The following BTBD19 variants were observed in gnomAD, a reference collection of about 807,000 sequenced individuals.
BTBD19 encodes the protein BTB domain containing 19.
A neutral mutation model predicts 36.1 loss-of-function variants in BTBD19; 20 were observed. The observed-to-expected ratio is 0.55, with a 90% confidence interval of 0.39 to 0.80. BTBD19 has a LOEUF of 0.80. Ranked by LOEUF, BTBD19 falls within the 30% of genes least tolerant of loss-of-function variation. The pLI is 0.00. For missense variants in BTBD19, 325 were observed against 389.8 expected, an observed-to-expected ratio of 0.83 and a Z score of 1.40; for synonymous variants, 157 against 174.3, an observed-to-expected ratio of 0.90 and a Z score of 0.78.
In BTBD19 at chr1:44,813,339, A is replaced by G; in HGVS notation, c.616-35A>G. 1.3e-6 allele frequency: 2 copies of G among 1,541,856 alleles called. No homozygotes were observed. The highest frequency in any genetic ancestry group is 1.7e-6 in the Non-Finnish European group (2 of 1,146,234). On this transcript the variant is annotated intron_variant, in intron 6 of 7. Transcript: ENST00000450269. This position sits in a 1 kb window ranked among gnomAD's most constrained non-coding sequence, Gnocchi z 7.8. ...GCCACGAGACTGGTGAGCGGGCGGC[A>G]GGACAGGTGCCCGACTCAGGGCTGG...
In BTBD19 at chr1:44,810,106, T is replaced by C. The variant is rs796093753; in HGVS notation, c.87-107T>C. ...TGCTGGAGGGACGAAGCCCTGTCTCTTACATTCTGGTTAGGAAACTAAGAC... is the reference window on the plus strand; with the variant it reads ...TGCTGGAGGGACGAAGCCCTGTCTCCTACATTCTGGTTAGGAAACTAAGAC... On this transcript the variant is annotated intron_variant, in intron 1 of 7. Transcript: ENST00000450269. The surrounding 1 kb of genome is among the most constrained non-coding windows in gnomAD (Gnocchi z 4.2). 3.9e-6 allele frequency: 4 copies of C among 1,029,226 alleles called. No homozygotes were observed. The highest frequency in any genetic ancestry group is 3.2e-5 in the African/African-American group (2 of 63,210). 63.8% of individuals were successfully genotyped at this position (1,029,226 alleles called of 1,614,324 possible). A position where few individuals can be genotyped will look rare whatever the true frequency, so the allele number is the denominator to read the frequency against.
chr1:44,813,544 C>T lies in BTBD19; in HGVS notation c.741+45C>T. The T allele has an allele frequency of 1.3e-6, 2 of 1,540,506 alleles. No homozygotes were observed. The highest frequency in any genetic ancestry group is 1.8e-6 in the Non-Finnish European group (2 of 1,140,034). On this transcript the variant is annotated intron_variant, in intron 7 of 7. Coordinates refer to ENST00000450269, the Ensembl canonical transcript of BTBD19. The surrounding 1 kb of genome is among the most constrained non-coding windows in gnomAD (Gnocchi z 7.8). ...GCCCAGCTCCACTCAGCAGGGGGTA[C>T]AGGGCGCTGGGAGGGGGCAGGAGCA... is the stretch of plus-strand genomic sequence containing the variant.
exon 1 of BTBD19, chr1:44,808,768 G>C: frequency 7.4e-7 from 1 of 1,355,210 alleles, no homozygotes; most frequent in Middle Eastern, 1.8e-4. Context: ...ACCAGCTCTA[G>C]GGCCTGGCCA....
At position 44,812,976 on chromosome 1, in the gene BTBD19, C is replaced by T; in HGVS notation, c.415-20C>T. ...CGGCCTCTCCAGTCTCCAACCTGAT[C>T]TCCCTCATTCTGCTCGCAGGTGGCC... On this transcript the variant is annotated intron_variant, in intron 4 of 7. Coordinates refer to ENST00000450269, the Ensembl canonical transcript of BTBD19. 6.5e-7 allele frequency: 1 copy of T among 1,542,182 alleles called. No homozygotes were observed. Among genetic ancestry groups the T allele is most frequent in the East Asian group, 2.5e-5 (1 of 40,816 alleles).
chr1:44,815,393 T>C (rs938875014), downstream of BTBD19: 2 of 152,194 alleles, frequency 1.3e-5, no homozygotes, highest in Admixed American at 1.3e-4. Flanking sequence ...TCTAGCTCCA[T>C]ACCTTACTCA....
In BTBD19 at chr1:44,813,613, C is replaced by A; in HGVS notation, c.742-25C>A. The A allele has an allele frequency of 6.5e-7, 1 of 1,544,418 alleles. No homozygotes were observed. The stretch of plus-strand genomic sequence containing the variant: ...GGGGCGAGGGGCCACCGCGGGACTG[C>A]GCACTAACTGGCCTTGCTCTGCAGG... On this transcript the variant is annotated intron_variant, in intron 7 of 7. Coordinates refer to ENST00000450269, the Ensembl canonical transcript of BTBD19. The surrounding 1 kb of genome is among the most constrained non-coding windows in gnomAD (Gnocchi z 7.8).
chr1:44,810,570 C>T lies in BTBD19; in HGVS notation c.317C>T (p.Thr106Ile), dbSNP rs183942444. The T allele has an allele frequency of 1.8e-3, 2,765 of 1,550,198 alleles. 6 individuals are homozygous for T. Among genetic ancestry groups the T allele is most frequent in the Non-Finnish European group, 2.1e-3 (2,458 of 1,146,604 alleles). The change falls in exon 3 of 8, where the codon ACA becomes ATA. Residue 106 changes from threonine to isoleucine, a missense_variant. Thr to Ile is a moderately conservative substitution (Grantham distance 89). Transcript: ENST00000450269. The surrounding 1 kb of genome is among the most constrained non-coding windows in gnomAD (Gnocchi z 4.2). ...ACTCTACAGGTGCTGGAAGTGCTGACAGCGGCTGTGGAGTATGGGCTGGAG... is the reference window on the plus strand; with the variant it reads ...ACTCTACAGGTGCTGGAAGTGCTGATAGCGGCTGTGGAGTATGGGCTGGAG...
rs1392655059 is a variant in BTBD19, at chr1:44,810,255, T to A, written c.129T>A (p.Phe43Leu). ...TTGGTCAAGAACGGCAGGAGGTATT[T>A]GCCCATCGGTGCTTGTTGGCCTGTA... The change falls in exon 2 of 8, where the codon TTT (phenylalanine) becomes TTA (leucine). Residue 43 changes from phenylalanine (F) to leucine (L), a missense_variant. Coordinates refer to ENST00000450269, the Ensembl canonical transcript of BTBD19. The surrounding 1 kb of genome is among the most constrained non-coding windows in gnomAD (Gnocchi z 4.2). The A allele has an allele frequency of 1.3e-6, 2 of 1,551,754 alleles. No individual in the cohort carries two copies. Among genetic ancestry groups the A allele is most frequent in the Non-Finnish European group, 1.7e-6 (2 of 1,147,028 alleles).
rs1282258703 is a variant in BTBD19, at chr1:44,813,278, G to A, written c.615+9G>A. On this transcript the variant is annotated intron_variant, in intron 6 of 7. Coordinates refer to ENST00000450269, the Ensembl canonical transcript of BTBD19. This position sits in a 1 kb window ranked among gnomAD's most constrained non-coding sequence, Gnocchi z 7.8. ...GGGCGCGCGTGGGCGCGGTGAGTGGGGCTGGGGGAGCGCAAGGGCACGGAA... is the reference window on the plus strand; with the variant it reads ...GGGCGCGCGTGGGCGCGGTGAGTGGAGCTGGGGGAGCGCAAGGGCACGGAA... 6.5e-7 allele frequency: 1 copy of A among 1,536,760 alleles called. No individual in the cohort carries two copies.
downstream of BTBD19, chr1:44,814,552 C>G (rs1015633169): frequency 3.8e-5 from 5 of 132,938 alleles, no homozygotes; most frequent in Non-Finnish European, 7.7e-5. Context: ...CCCGCCTCGG[C>G]CTTTTTTTTT....
In BTBD19 at chr1:44,813,800, T is replaced by C; in HGVS notation, c.*28T>C. The C allele has an allele frequency of 6.4e-7, 1 of 1,550,944 alleles. No homozygotes were observed. Among genetic ancestry groups the C allele is most frequent in the Non-Finnish European group, 8.7e-7 (1 of 1,146,746 alleles). On this transcript the variant is annotated 3_prime_UTR_variant, in exon 8 of 8. Transcript: ENST00000450269. The surrounding 1 kb of genome is among the most constrained non-coding windows in gnomAD (Gnocchi z 7.8). ...CAACGCCGGGACTCGCAGGGAGCCC[T>C]CGACCCGCCCAGCTGAGCCTGCCCC...
intron 1 of BTBD19, among the ~76,000 whole-genome samples, chr1:44,809,880 G>A (rs1652318333): frequency 6.6e-6 from 1 of 152,170 alleles, no homozygotes; most frequent in African/African-American, 2.4e-5. Flanking sequence ...GAGAGGGGAA[G>A]GTGGGATCAA....
Position 44,810,125 on chromosome 1 carries a change from C to A in BTBD19, c.87-88C>A. Reference sequence around the variant, plus strand: ...TGTCTCTTACATTCTGGTTAGGAAACTAAGACCCAGAGTGGGCAAAGGCAC... The same window carrying A: ...TGTCTCTTACATTCTGGTTAGGAAAATAAGACCCAGAGTGGGCAAAGGCAC... On this transcript the variant is annotated intron_variant, in intron 1 of 7. Coordinates refer to ENST00000450269, the Ensembl canonical transcript of BTBD19. This position sits in a 1 kb window ranked among gnomAD's most constrained non-coding sequence, Gnocchi z 4.2. The A allele has an allele frequency of 8.3e-7, 1 of 1,207,322 alleles. No individual in the cohort carries two copies. The highest frequency in any genetic ancestry group is 1.2e-6 in the Non-Finnish European group (1 of 847,258). The allele number at this position is 1,207,322 out of a possible 1,614,324, so 74.8% of individuals were successfully genotyped here.
chr1:44,811,601 G>A (rs965274581), intron 3 of BTBD19: 5 of 193,308 alleles, frequency 2.6e-5, no homozygotes, highest in Admixed American at 5.2e-5. Context: ...AAACTCAGGG[G>A]AGAAGGGATT....
chr1:44,814,334 C>T (rs1652624732), downstream of BTBD19: 1 of 151,628 alleles, frequency 6.6e-6, no homozygotes, highest in Non-Finnish European at 1.5e-5. Context: ...GTCTCGCACT[C>T]TCGCCCAGGC....
chr1:44,808,955 C>A, intron 1 of BTBD19, 49 bp downstream of exon 1: 1 of 1,426,880 alleles, frequency 7.0e-7, no homozygotes, highest in Non-Finnish European at 9.5e-7. Context: ...GCTCTGTGGG[C>A]CCCAGGACTC....
chr1:44,808,899 C>T lies in BTBD19; in HGVS notation c.79C>T (p.Arg27Ter), dbSNP rs193204757. ...ACTCCGAAGCCTTGTCAACAACCCG[C>T]GATACAGGTGAGGGGTGGGCCCTGC... The change falls in exon 1 of 8, where the codon CGA becomes TGA. Residue 27 changes from arginine to a stop codon, truncating the protein, a stop_gained. Coordinates refer to ENST00000450269, the Ensembl canonical transcript of BTBD19. LOFTEE classifies it high-confidence loss of function. 3.9e-5 allele frequency: 60 copies of T among 1,549,266 alleles called. No individual in the cohort carries two copies. The highest frequency in any genetic ancestry group is 5.1e-5 in the Non-Finnish European group (58 of 1,145,642).
chr1:44,813,366 G>A lies in BTBD19; in HGVS notation c.616-8G>A, dbSNP rs780157841. On this transcript the variant is annotated splice_region_variant and splice_polypyrimidine_tract_variant and intron_variant, in intron 6 of 7. Coordinates refer to ENST00000450269, the Ensembl canonical transcript of BTBD19. The surrounding 1 kb of genome is among the most constrained non-coding windows in gnomAD (Gnocchi z 7.8). ...GACAGGTGCCCGACTCAGGGCTGGC[G>A]TTTGCAGGCGGTGCTGGAGCGGCCG... is the stretch of plus-strand genomic sequence containing the variant. 21 of 1,545,550 alleles carry A rather than the reference G, an allele frequency of 1.4e-5. No individual in the cohort carries two copies. Among genetic ancestry groups the A allele is most frequent in the Non-Finnish European group, 1.7e-5 (20 of 1,146,608 alleles).
rs1486989251 is a variant in BTBD19, at chr1:44,813,581, G to T, written c.742-57G>T. On this transcript the variant is annotated intron_variant, in intron 7 of 7. Transcript: ENST00000450269. The surrounding 1 kb of genome is among the most constrained non-coding windows in gnomAD (Gnocchi z 7.8). ...AGGGGGCAGGAGCAGCCCGGCCCAC[G>T]GTCCTCGGGGCGAGGGGCCACCGCG... 3.9e-6 allele frequency: 6 copies of T among 1,534,768 alleles called. No homozygotes were observed. Among genetic ancestry groups the T allele is most frequent in the Non-Finnish European group, 2.6e-6 (3 of 1,135,986 alleles).
Sources: allele counts gnomAD v4.1 joint callset (sites outside exome capture counted in the v4.1 genomes callset), GRCh38; gene constraint gnomAD v4.1.1; non-coding constraint Gnocchi (gnomAD v3.1); transcripts MANE v1.5; gene names NCBI Gene and HGNC (gene_info 2026-07-23, HGNC 2026-07-21).